POMT2: variants seen among roughly 807,000 people sequenced by gnomAD.
The protein encoded by POMT2 is protein O-mannosyl-transferase 2.
POMT2 carries 75 observed loss-of-function variants against 100.0 expected under a neutral mutation model. The ratio of observed to expected loss-of-function variants is 0.75; its 90% CI spans 0.62 to 0.91. The LOEUF is 0.91. Among genes scored for constraint, POMT2 ranks in the 40% least tolerant of loss-of-function variants. The pLI, the probability that POMT2 is intolerant of heterozygous loss-of-function variation, is 0.00. For synonymous variants in POMT2, 378 were observed against 374.1 expected (o/e 1.01, Z -0.12); for missense variants, 940 against 955.1 (o/e 0.98, Z 0.21).
At position 77,288,821 on chromosome 14, in the gene POMT2, G is replaced by A. The variant is rs759776971; in HGVS notation, c.1194C>T (p.Asp398=). ...KKHNTNSDPL[D]PSFPVEFVRH... is the part of the protein sequence containing the mutation. Reference sequence around the variant, plus strand: ...TTACAAACTCCACTGGGAAGGAAGGGTCTAGGGGATCTGCCAAAAAGAAAC... The same window carrying A: ...TTACAAACTCCACTGGGAAGGAAGGATCTAGGGGATCTGCCAAAAAGAAAC... The change falls in exon 11 of 21, where the codon GAC becomes GAT. Residue 398 remains aspartate (D), a synonymous_variant. Coordinates refer to ENST00000261534, the MANE Select transcript of POMT2 (RefSeq NM_013382.7). 5.6e-6 allele frequency: 9 copies of A among 1,613,714 alleles called. No individual in the cohort carries two copies. The highest frequency in any genetic ancestry group is 2.7e-5 in the African/African-American group (2 of 74,856).
chr14:77,305,978 G>A (rs758334304), intron 3 of POMT2, among the ~76,000 whole-genome samples: 30 of 152,198 alleles, frequency 2.0e-4, no homozygotes, highest in Non-Finnish European at 3.8e-4. Context: ...GGAGGAGCAG[G>A]CAGCGTGCCA....
chr14:77,299,587 G>A (rs376121784), intron 6 of POMT2, 26 bp from the exon 7 acceptor site: 419 of 1,574,492 alleles, frequency 2.7e-4, no homozygotes, highest in Non-Finnish European at 2.3e-4. Flanking sequence ...AGCGTGGGGT[G>A]CTAGGCATGT....
At chr14:77,308,356 G>GTTTTTTTTT (rs529559494) in intron 2 of POMT2, among the ~76,000 whole-genome samples, 6 of 128,468 alleles carry the variant, frequency 4.7e-5, no homozygotes, top group African/African-American at 5.9e-5. Flanking sequence ...AAGTTTTTTT[G>GTTTTTTTTT]TTTTTTTTTT....
intron 15 of POMT2, among the ~76,000 whole-genome samples, chr14:77,281,734 G>T (rs1890242851): frequency 6.6e-6 from 1 of 152,188 alleles, no homozygotes; most frequent in East Asian, 1.9e-4. Context: ...ATTGCAGAGT[G>T]TTTAGCATTC....
chr14:77,285,016 A>C lies in POMT2; in HGVS notation c.1510T>G (p.Cys504Gly), dbSNP rs763308182. 1.9e-6 allele frequency: 3 copies of C among 1,613,418 alleles called. No homozygotes were observed. In the South Asian group the frequency reaches 3.3e-5, roughly 18 times the overall value. The change falls in exon 14 of 21, where the codon TGC becomes GGC. Residue 504 changes from cysteine (C) to glycine (G), a missense_variant. Cys to Gly is a radical substitution (Grantham distance 159, BLOSUM62 -3). Transcript: ENST00000261534. ...KWGWEQLEVT[C>G]TPYLKETLNS... is the part of the protein sequence containing the mutation. ...AGGGTTTCTTTCAGGTATGGGGTGC[A>C]AGTAACTTCCAACTGCTCCCAGCCC...
rs1482986308 is a variant in POMT2, at chr14:77,299,664, CAT to C, written c.817-105_817-104del. On this transcript the variant is annotated intron_variant, in intron 6 of 20. Transcript: ENST00000261534. ...TAGCTTTTAATATATCAGTCATAAT[CAT>C]AAAAAATGGCCAAGAGGAGAGAGAA... The C allele has an allele frequency of 1.6e-5, 15 of 915,790 alleles. No individual in the cohort carries two copies. In the African/African-American group the frequency reaches 2.3e-4, roughly 14 times the overall value. 56.7% of individuals were successfully genotyped at this position (915,790 alleles called of 1,614,324 possible). A position where few individuals can be genotyped will look rare whatever the true frequency, so the allele number is the denominator to read the frequency against.
At chr14:77,305,656 CA>C (rs1360502042) in intron 3 of POMT2, among the ~76,000 whole-genome samples, 2 of 152,196 alleles carry the variant, frequency 1.3e-5, no homozygotes, top group Non-Finnish European at 2.9e-5. Flanking sequence ...CTTGTAAATG[CA>C]AACTTCTCTG....
intron 2 of POMT2, 106 bp downstream of exon 2, chr14:77,311,843 G>C: frequency 1.3e-6 from 2 of 1,491,994 alleles, no homozygotes; most frequent in Non-Finnish European, 9.0e-7. Flanking sequence ...CTTTCTACAA[G>C]TCCCAAATTC....
At chr14:77,298,286 T>C (rs959408672) in intron 8 of POMT2, among the ~76,000 whole-genome samples, 1 of 152,190 alleles carries the variant, frequency 6.6e-6, no homozygotes, top group Non-Finnish European at 1.5e-5. Flanking sequence ...GTGGAGCTCC[T>C]CTACACCAGG....
intron 2 of POMT2, 137 bp from the exon 3 acceptor site, chr14:77,306,578 C>T: frequency 1.1e-6 from 1 of 912,340 alleles, no homozygotes; most frequent in Non-Finnish European, 1.7e-6. Flanking sequence ...GCCAATGCAA[C>T]ATTTTCTCCT....
chr14:77,306,294 GC>G (rs1479421311), intron 3 of POMT2, 42 bp downstream of exon 3: 1 of 1,607,070 alleles, frequency 6.2e-7, no homozygotes, highest in Admixed American at 1.7e-5. Context: ...GTTTAGTGTG[GC>G]CCCAGGGTTC....
chr14:77,298,795 G>C, intron 7 of POMT2, 24 bp from the exon 8 acceptor site: 2 of 1,602,870 alleles, frequency 1.2e-6, no homozygotes, highest in Non-Finnish European at 1.7e-6. Flanking sequence ...AAGAGCAGAA[G>C]AGAGTCAAGT....
intron 1 of POMT2, among the ~76,000 whole-genome samples, chr14:77,315,443 T>G (rs1891589718): frequency 1.3e-5 from 2 of 152,204 alleles, no homozygotes; most frequent in Admixed American, 6.5e-5. Context: ...GGGGAAAAAG[T>G]GTCCAGATTA....
chr14:77,288,216 G>C (rs571713365), intron 11 of POMT2, among the ~76,000 whole-genome samples: 6 of 152,326 alleles, frequency 3.9e-5, no homozygotes, highest in Admixed American at 3.9e-4. Context: ...CTTTGGCCTG[G>C]TAACTCTTTA....
Position 77,320,440 on chromosome 14 carries a change from T to A in POMT2, c.242A>T (p.His81Leu), listed in dbSNP as rs746662519. ...TRFHRLDEPP[H>L]ICWDETHFGK... ...AGTCCCTCCCATCACTCACCAGATG[T>A]GCGGCGGCTCGTCCAAGCGGTGGAA... Residue 81 changes from histidine to leucine, a missense_variant, in exon 1 of 21, where the codon CAC becomes CTC. Physicochemically the swap from His to Leu is moderately conservative, Grantham distance 99. Coordinates refer to ENST00000261534, the MANE Select transcript of POMT2 (RefSeq NM_013382.7). 1.3e-6 allele frequency: 2 copies of A among 1,546,450 alleles called. No homozygotes were observed. The highest frequency in any genetic ancestry group is 1.7e-6 in the Non-Finnish European group (2 of 1,146,852).
Position 77,296,267 on chromosome 14 carries a change from G to C in POMT2, c.1013C>G (p.Ala338Gly). 6.3e-7 allele frequency: 1 copy of C among 1,598,588 alleles called. No homozygotes were observed. Among genetic ancestry groups the C allele is most frequent in the Non-Finnish European group, 8.5e-7 (1 of 1,172,870 alleles). The change falls in exon 9 of 21, where the codon GCC becomes GGC. Residue 338 changes from alanine to glycine, a missense_variant. By Grantham distance (60) the Ala-to-Gly change is moderately conservative (BLOSUM62 0). Coordinates refer to ENST00000261534, the MANE Select transcript of POMT2 (RefSeq NM_013382.7). ...LHNASIPEHL[A>G]YGSVITVKNL... ...CTTCACAGTGATCACAGAGCCGTAG[G>C]CCAGGTCTGGGAGGAAGGGAGACAG...
chr14:77,277,869 C>G (rs1015385224), intron 20 of POMT2, among the ~76,000 whole-genome samples: 2 of 152,208 alleles, frequency 1.3e-5, no homozygotes, highest in Non-Finnish European at 2.9e-5. Context: ...ACAACTCTCC[C>G]TTTCAGCCAC....
chr14:77,317,165 G>A (rs2139536161), intron 1 of POMT2, among the ~76,000 whole-genome samples: 1 of 152,360 alleles, frequency 6.6e-6, no homozygotes, highest in African/African-American at 2.4e-5. Context: ...TGTGACTCCT[G>A]CCAAAAGTTG....
At chr14:77,283,049 G>A (rs1348235624) in intron 15 of POMT2, among the ~76,000 whole-genome samples, 3 of 152,216 alleles carry the variant, frequency 2.0e-5, no homozygotes, top group Admixed American at 6.5e-5. Flanking sequence ...TTTCTTCTCT[G>A]AATTTTTCTT....
Sources: gnomAD v4.1 joint callset for allele counts (sites outside exome capture counted in the v4.1 genomes callset) on GRCh38, gnomAD v4.1.1 for gene constraint, MANE v1.5 for transcripts, NCBI Gene and HGNC (gene_info 2026-07-23, HGNC 2026-07-21) for gene names.